The following TIRAP variants were observed in gnomAD, a reference collection of about 807,000 sequenced individuals.
TIRAP encodes TIR domain containing adaptor protein.
A neutral mutation model predicts 19.8 loss-of-function variants in TIRAP; 20 were observed. That is an observed-to-expected ratio of 1.01 (90% CI 0.71 to 1.47). The LOEUF is 1.47. TIRAP is among the 40% of genes most tolerant of loss of function. The pLI is 0.00. For missense variants in TIRAP, 276 were observed against 285.1 expected (o/e 0.97, Z 0.23); for synonymous variants, 125 against 121.7 (o/e 1.03, Z -0.18).
chr11:126,283,145 C>A lies in TIRAP; in HGVS notation c.-225C>A, dbSNP rs547657084. 206 of 984,902 alleles carry A rather than the reference C, an allele frequency of 2.1e-4. No homozygotes were observed. Among genetic ancestry groups the A allele is most frequent in the Non-Finnish European group, 2.3e-4 (192 of 829,698 alleles). 61.0% of individuals were successfully genotyped at this position (984,902 alleles called of 1,614,324 possible). A position where few individuals can be genotyped will look rare whatever the true frequency, so the allele number is the denominator to read the frequency against. The stretch of plus-strand genomic sequence containing the variant: ...GCGCAGCCCTCATCGCAACTGGGCC[C>A]GCGCGCAGGTGAGCCCGGGGCGGGG... On this transcript the variant is annotated 5_prime_UTR_variant, in exon 1 of 5. Coordinates refer to ENST00000392679, the MANE Select transcript of TIRAP (RefSeq NM_001318777.2).
chr11:126,290,721 C>A lies in TIRAP; in HGVS notation c.-92-82C>A. ...CCTCTGTCAGGCATTAGGAGAGAAA[C>A]AGAACTTCGCAGAGCTCATCCATGG... On this transcript the variant is annotated intron_variant, in intron 2 of 4. Transcript: ENST00000392679. The surrounding 1 kb of genome is among the most constrained non-coding windows in gnomAD (Gnocchi z 4.9). 1 of 1,385,938 alleles carries A rather than the reference C, an allele frequency of 7.2e-7. No homozygotes were observed. The highest frequency in any genetic ancestry group is 9.3e-7 in the Non-Finnish European group (1 of 1,072,892). 85.9% of individuals were successfully genotyped at this position (1,385,938 alleles called of 1,614,324 possible). A position where few individuals can be genotyped will look rare whatever the true frequency, so the allele number is the denominator to read the frequency against.
rs571759537 is a variant in TIRAP, at chr11:126,293,226, T to A, written c.646+171T>A. On this transcript the variant is annotated intron_variant, in intron 4 of 4. Transcript: ENST00000392679. ...ACTTATTAACCCATAAAAAGTAACT[T>A]GGCCAAGTTACTCACCCGCTCTGTG... is the stretch of plus-strand genomic sequence containing the variant. 97 of 1,295,532 alleles carry A rather than the reference T, an allele frequency of 7.5e-5. 1 individual carries two copies. The East Asian group carries it at 2.4e-3, about 32-fold the overall frequency. The allele number at this position is 1,295,532 out of a possible 1,614,324, so 80.3% of individuals were successfully genotyped here.
At position 126,292,795 on chromosome 11, in the gene TIRAP, T is replaced by A; in HGVS notation, c.386T>A (p.Ile129Lys). The A allele has an allele frequency of 6.2e-7, 1 of 1,613,190 alleles. No homozygotes were observed. The highest frequency in any genetic ancestry group is 8.5e-7 in the Non-Finnish European group (1 of 1,179,822). Residue 129 changes from isoleucine to lysine, a missense_variant, in exon 4 of 5, where the codon ATA becomes AAA. Physicochemically the swap from Ile to Lys is moderately radical, Grantham distance 102. Coordinates refer to ENST00000392679, the MANE Select transcript of TIRAP (RefSeq NM_001318777.2). The part of the protein sequence containing the change: ...QLRDATPGGA[I>K]VSELCQALSS... Reference sequence around the variant, plus strand: ...CGGGATGCAACCCCAGGCGGCGCTATAGTGTCCGAGCTGTGCCAGGCACTG... The same window carrying A: ...CGGGATGCAACCCCAGGCGGCGCTAAAGTGTCCGAGCTGTGCCAGGCACTG...
At chr11:126,286,022 C>T (rs8177359) in intron 1 of TIRAP, among the ~76,000 whole-genome samples, 17,469 of 145,690 alleles carry the variant, frequency 0.12, 1,061 homozygotes, top group African/African-American at 0.14. Context: ...ACACTGCACT[C>T]CAGCCTGGGT....
At position 126,292,904 on chromosome 11, in the gene TIRAP, G is replaced by A; in HGVS notation, c.495G>A (p.Leu165=). The change falls in exon 4 of 5, where the codon CTG becomes CTA. Residue 165 remains leucine (L), a synonymous_variant. Transcript: ENST00000392679. ...GCAAGTACCAGATGCTGCAGGCCCTGACCGAGGCTCCAGGGGCCGAGGGCT... is the reference window on the plus strand; with the variant it reads ...GCAAGTACCAGATGCTGCAGGCCCTAACCGAGGCTCCAGGGGCCGAGGGCT... ...PWCKYQMLQA[L]TEAPGAEGCT... 6.2e-7 allele frequency: 1 copy of A among 1,613,704 alleles called. No individual in the cohort carries two copies. Among genetic ancestry groups the A allele is most frequent in the Non-Finnish European group, 8.5e-7 (1 of 1,179,940 alleles).
In TIRAP at chr11:126,287,999, C is replaced by T. The variant is rs8177398; in HGVS notation, c.-216-2463C>T. 0.016 allele frequency among the ~76,000 whole-genome samples: 2,496 copies of T among 152,224 alleles called. 38 individuals are homozygous for T. Among genetic ancestry groups the T allele is most frequent in the South Asian group, 0.026 (124 of 4,820 alleles). On this transcript the variant is annotated intron_variant, in intron 1 of 4. Transcript: ENST00000392679. This position sits in a 1 kb window ranked among gnomAD's most constrained non-coding sequence, Gnocchi z 4.2. ...GAACTCCTGAGCTCACATGATCTGCCCACCTCGGCCTCCCAAAGTGCTGGG... is the reference window on the plus strand; with the variant it reads ...GAACTCCTGAGCTCACATGATCTGCTCACCTCGGCCTCCCAAAGTGCTGGG...
intron 1 of TIRAP, among the ~76,000 whole-genome samples, chr11:126,285,243 G>GTGTGTGTGTGTGTA: frequency 1.9e-5 from 2 of 106,972 alleles, no homozygotes; most frequent in African/African-American, 7.1e-5. Flanking sequence ...GTGTGTGTGT[G>GTGTGTGTGTGTGTA]TATATATATA....
chr11:126,293,907 G>C lies in TIRAP; in HGVS notation c.*220G>C. 1.7e-6 allele frequency: 1 copy of C among 592,178 alleles called. No homozygotes were observed. The highest frequency in any genetic ancestry group is 3.0e-5 in the Admixed American group (1 of 33,712). The allele number at this position is 592,178 out of a possible 1,614,324, so 36.7% of individuals were successfully genotyped here. A position where few individuals can be genotyped will look rare whatever the true frequency, so the allele number is the denominator to read the frequency against. On this transcript the variant is annotated 3_prime_UTR_variant, in exon 5 of 5. Coordinates refer to ENST00000392679, the MANE Select transcript of TIRAP (RefSeq NM_001318777.2). ...GGGACTCCCCCAGGAAGGCCGTGAA[G>C]CTGGGGATTCCCCCTAGGAAAGCCA...
chr11:126,294,002 T>C lies in TIRAP; in HGVS notation c.*315T>C. The C allele has an allele frequency of 2.4e-6, 1 of 414,390 alleles. No individual in the cohort carries two copies. The highest frequency in any genetic ancestry group is 4.5e-6 in the Non-Finnish European group (1 of 222,100). The allele number at this position is 414,390 out of a possible 1,614,324, so 25.7% of individuals were successfully genotyped here. On this transcript the variant is annotated 3_prime_UTR_variant, in exon 5 of 5. Transcript: ENST00000392679. Reference sequence around the variant, plus strand: ...AATTGGAGGTGGTAGGAAGTGGTACTGATCAATGATGGCCAGCAGGACTCA... The same window carrying C: ...AATTGGAGGTGGTAGGAAGTGGTACCGATCAATGATGGCCAGCAGGACTCA...
chr11:126,289,305 TTTCGC>T (rs1382499411), intron 1 of TIRAP, among the ~76,000 whole-genome samples: 1 of 152,028 alleles, frequency 6.6e-6, no homozygotes, highest in Non-Finnish European at 1.5e-5. Context: ...TGAGATGGAG[TTTCGC>T]TCTTGTTGCC....
intron 1 of TIRAP, 79 bp downstream of exon 1, chr11:126,283,232 T>TGGGCCCCAGAGTCCCGGCCC (rs1951276341): frequency 1.2e-6 from 1 of 827,624 alleles, no homozygotes; most frequent in Admixed American, 6.2e-5. Context: ...GCGGCCGGCC[T>TGGGCCCCAGAGTCCCGGCCC]GGGCCCCAGA....
At chr11:126,286,139 C>G (rs1565363030) in intron 1 of TIRAP, among the ~76,000 whole-genome samples, 1 of 150,896 alleles carries the variant, frequency 6.6e-6, no homozygotes, top group Non-Finnish European at 1.5e-5. Context: ...TTGAGGTGGG[C>G]CAATCACTTG....
rs1231059564 is a variant in TIRAP at position 126,291,006 on chromosome 11, G to C, written c.67+45G>C. ...CGACTCTGCTGTGTTCCTGAGTGTAGTGCTCAGCCTCCATAGGGCGCGGTG... is the reference window on the plus strand; with the variant it reads ...CGACTCTGCTGTGTTCCTGAGTGTACTGCTCAGCCTCCATAGGGCGCGGTG... On this transcript the variant is annotated intron_variant, in intron 3 of 4. Transcript: ENST00000392679. The surrounding 1 kb of genome is among the most constrained non-coding windows in gnomAD (Gnocchi z 5.6). 5 of 1,575,198 alleles carry C rather than the reference G, an allele frequency of 3.2e-6. No homozygotes were observed. The East Asian group carries it at 1.1e-4, about 36-fold the overall frequency.
At position 126,293,463 on chromosome 11, in the gene TIRAP, G is replaced by T. The variant is rs924313304; in HGVS notation, c.647-205G>T. 3 of 725,106 alleles carry T rather than the reference G, an allele frequency of 4.1e-6. No homozygotes were observed. In the African/African-American group the frequency reaches 5.2e-5, roughly 13 times the overall value. The allele number at this position is 725,106 out of a possible 1,614,324, so 44.9% of individuals were successfully genotyped here. ...GGAGATGTCCATCAAGAGCTGGGAA[G>T]GTGCCAGGAGGGACATTGGTTTAGT... On this transcript the variant is annotated intron_variant, in intron 4 of 4. Coordinates refer to ENST00000392679, the MANE Select transcript of TIRAP (RefSeq NM_001318777.2).
chr11:126,283,207 G>T (rs1159765962), intron 1 of TIRAP, 54 bp downstream of exon 1: 50 of 930,216 alleles, frequency 5.4e-5, no homozygotes, highest in Non-Finnish European at 6.2e-5. Flanking sequence ...GGCTCCGTGG[G>T]GTGGGCGACG....
At chr11:126,283,962 G>C (rs1951285681) in intron 1 of TIRAP, among the ~76,000 whole-genome samples, 1 of 151,686 alleles carries the variant, frequency 6.6e-6, no homozygotes, top group Non-Finnish European at 1.5e-5. Flanking sequence ...CTACATCCCT[G>C]GCTTCTAACG....
Position 126,293,036 on chromosome 11 carries a change from C to T in TIRAP, c.627C>T (p.Val209=), listed in dbSNP as rs770737775. The T allele has an allele frequency of 2.1e-5, 34 of 1,614,164 alleles. No individual in the cohort carries two copies. The highest frequency in any genetic ancestry group is 2.7e-5 in the Non-Finnish European group (32 of 1,180,032). The change falls in exon 4 of 5, where the codon GTC becomes GTT. Residue 209 remains valine (V), a synonymous_variant. Transcript: ENST00000392679. ...GRGPDGGFRQ[V]KEAVMRYLQT... is the part of the protein sequence containing the mutation. ...GCCCTGATGGTGGCTTTCGTCAAGT[C>T]AAAGAAGCTGTCATGCGTTGTAAGC...
In TIRAP at chr11:126,290,054, T is replaced by C. The variant is rs1951362344; in HGVS notation, c.-216-408T>C. 1.3e-5 allele frequency among the ~76,000 whole-genome samples: 2 copies of C among 152,258 alleles called. No homozygotes were observed. Among genetic ancestry groups the C allele is most frequent in the African/African-American group, 4.8e-5 (2 of 41,474 alleles). ...TATCTAGATTATTTTATATACATAG[T>C]AGCCCACATTTTCTAAGCATTTATT... On this transcript the variant is annotated intron_variant, in intron 1 of 4. Transcript: ENST00000392679. The surrounding 1 kb of genome is among the most constrained non-coding windows in gnomAD (Gnocchi z 4.9).
At position 126,291,027 on chromosome 11, in the gene TIRAP, C is replaced by T. The variant is rs993463794; in HGVS notation, c.67+66C>T. 1.4e-5 allele frequency: 22 copies of T among 1,523,874 alleles called. No individual in the cohort carries two copies. In the Admixed American group the frequency reaches 1.6e-4, roughly 11 times the overall value. The allele number at this position is 1,523,874 out of a possible 1,614,324, so 94.4% of individuals were successfully genotyped here. A position where few individuals can be genotyped will look rare whatever the true frequency, so the allele number is the denominator to read the frequency against. On this transcript the variant is annotated intron_variant, in intron 3 of 4. Coordinates refer to ENST00000392679, the MANE Select transcript of TIRAP (RefSeq NM_001318777.2). The surrounding 1 kb of genome is among the most constrained non-coding windows in gnomAD (Gnocchi z 5.6). ...TGTAGTGCTCAGCCTCCATAGGGCG[C>T]GGTGGGAGGCCTGCCTGGTCCAAAC...
Sources: allele counts gnomAD v4.1 joint callset (sites outside exome capture counted in the v4.1 genomes callset), GRCh38; gene constraint gnomAD v4.1.1; non-coding constraint Gnocchi (gnomAD v3.1); transcripts MANE v1.5; gene names NCBI Gene and HGNC (gene_info 2026-07-23, HGNC 2026-07-21).